The following CFAP47 variants were observed in gnomAD, a reference collection of about 807,000 sequenced individuals.
The protein encoded by CFAP47 is cilia- and flagella-associated protein 47.
A neutral mutation model predicts 148.1 loss-of-function variants in CFAP47; 29 were observed. The ratio of observed to expected loss-of-function variants is 0.20; its 90% CI spans 0.15 to 0.27. CFAP47 has a LOEUF of 0.27. Among genes scored for constraint, CFAP47 ranks in the 10% least tolerant of loss-of-function variants. CFAP47 has a pLI of 1.00. For missense variants in CFAP47, 1,872 were observed against 1,697.5 expected, an observed-to-expected ratio of 1.10 and a Z score of -1.81; for synonymous variants, 664 against 577.3, an observed-to-expected ratio of 1.15 and a Z score of -2.15.
At chrX:36,281,181 G>T (rs1380509083) in intron 50 of CFAP47, among the ~76,000 whole-genome samples, 1 of 112,161 alleles carries the variant, frequency 8.9e-6, no homozygotes, top group Non-Finnish European at 1.9e-5. Context: ...TTTTATGGGT[G>T]AGTAGCAGGG....
Position 36,292,182 on chromosome X carries a change from A to G in CFAP47, c.7686+6456A>G, listed in dbSNP as rs191974345. On this transcript the variant is annotated intron_variant, in intron 51 of 63. Coordinates refer to ENST00000378653, the MANE Select transcript of CFAP47 (RefSeq NM_001304548.2). ...CAGCATTCTATACATTTCAAGTCAT[A>G]TGGTGGAGGATTGGGGATTGGGGTG... Among the ~76,000 whole-genome samples the G allele has an allele frequency of 2.4e-3, 271 of 111,105 alleles. 2 individuals are homozygous for G. The highest frequency in any genetic ancestry group is 5.4e-3 in the South Asian group (14 of 2,605).
chrX:36,234,310 A>G (rs1299428796), intron 46 of CFAP47, among the ~76,000 whole-genome samples: 14 of 110,339 alleles, frequency 1.3e-4, no homozygotes, highest in Non-Finnish European at 2.3e-4. Flanking sequence ...GGCTTTGTTC[A>G]TTTCTTTTTA....
intron 2 of CFAP47, among the ~76,000 whole-genome samples, chrX:35,938,856 G>T (rs923526688): frequency 9.0e-6 from 1 of 111,647 alleles, no homozygotes; most frequent in African/African-American, 3.3e-5. Flanking sequence ...AAGAAAACTG[G>T]ATAAACACAT....
chrX:36,374,533 A>T (rs888344671), intron 62 of CFAP47, among the ~76,000 whole-genome samples: 10 of 109,498 alleles, frequency 9.1e-5, no homozygotes, highest in Admixed American at 2.9e-4. Flanking sequence ...TATTTTATTT[A>T]TTTCTGCTCT....
intron 37 of CFAP47, among the ~76,000 whole-genome samples, chrX:36,157,107 C>T (rs755926298): frequency 2.7e-4 from 30 of 110,976 alleles, no homozygotes; most frequent in African/African-American, 7.8e-4. Context: ...TGTTCCACCC[C>T]GATTTAATGT....
intron 21 of CFAP47, among the ~76,000 whole-genome samples, chrX:36,010,624 A>AT (rs1227972207): frequency 9.1e-6 from 1 of 109,751 alleles, no homozygotes; most frequent in Non-Finnish European, 1.9e-5. Context: ...TGCCTGGCTA[A>AT]TTTTTTTGTA....
chrX:36,118,148 G>A (rs1219051269), intron 33 of CFAP47, among the ~76,000 whole-genome samples: 1 of 111,998 alleles, frequency 8.9e-6, no homozygotes, highest in Non-Finnish European at 1.9e-5. Flanking sequence ...CTATAGCTCT[G>A]TAGTATAATT....
Position 35,941,335 on chromosome X carries a change from C to T in CFAP47, c.454C>T (p.Leu152=), listed in dbSNP as rs1324225873. 1.7e-6 allele frequency: 2 copies of T among 1,178,888 alleles called. No individual in the cohort carries two copies. The highest frequency in any genetic ancestry group is 1.9e-5 in the South Asian group (1 of 52,188). The change falls in exon 3 of 64, where the codon CTG becomes TTG. Residue 152 remains leucine (L), a synonymous_variant. Transcript: ENST00000378653. The part of the protein sequence containing the change: ...EIESVVNFGT[L]VANSKVYSKE... ...TGAATCAGTAGTTAATTTTGGCACA[C>T]TGGTTGCCAATAGTAAAGTATATTC...
At chrX:35,968,815 G>C (rs1464790207) in intron 10 of CFAP47, among the ~76,000 whole-genome samples, 1 of 110,486 alleles carries the variant, frequency 9.1e-6, no homozygotes, top group Non-Finnish European at 1.9e-5. Context: ...AAACCACTCA[G>C]ACTCCATTTT....
At chrX:36,273,125 A>C (rs1053760115) in intron 49 of CFAP47, among the ~76,000 whole-genome samples, 14 of 111,673 alleles carry the variant, frequency 1.3e-4, no homozygotes, top group Admixed American at 1.9e-4. Context: ...CCTAGCACAC[A>C]GTAAGCATTC....
intron 29 of CFAP47, among the ~76,000 whole-genome samples, chrX:36,076,589 G>GT (rs1234428801): frequency 9.0e-6 from 1 of 110,521 alleles, no homozygotes; most frequent in Non-Finnish European, 1.9e-5. Flanking sequence ...GGGGTTATTT[G>GT]TTTTTTGCTT....
At chrX:36,341,037 C>CTTTTTT (rs11450233) in intron 57 of CFAP47, among the ~76,000 whole-genome samples, 5 of 89,623 alleles carry the variant, frequency 5.6e-5, no homozygotes, top group Admixed American at 1.2e-4. Flanking sequence ...CTTTTCTTTT[C>CTTTTTT]TTTTTTTTTT....
At chrX:36,176,113 A>T (rs190229413) in intron 39 of CFAP47, among the ~76,000 whole-genome samples, 1 of 112,409 alleles carries the variant, frequency 8.9e-6, no homozygotes, top group African/African-American at 3.2e-5. Flanking sequence ...GAACTCCCTG[A>T]CCCCTTGTGC....
At chrX:36,142,017 A>G (rs1939150504) in intron 35 of CFAP47, among the ~76,000 whole-genome samples, 1 of 105,612 alleles carries the variant, frequency 9.5e-6, no homozygotes, top group Admixed American at 9.8e-5. Context: ...CCAGTGGTTG[A>G]TTAAAAATAA....
At chrX:36,249,476 A>T (rs1370682077) in intron 48 of CFAP47, among the ~76,000 whole-genome samples, 1 of 111,205 alleles carries the variant, frequency 9.0e-6, no homozygotes, top group Non-Finnish European at 1.9e-5. Flanking sequence ...CTCAAGAAGG[A>T]ATAGAAATAT....
intron 55 of CFAP47, among the ~76,000 whole-genome samples, chrX:36,307,118 C>G (rs1197942974): frequency 4.5e-5 from 5 of 110,870 alleles, no homozygotes; most frequent in African/African-American, 1.6e-4. Flanking sequence ...ATTTAAAACA[C>G]AGATATTTCA....
At position 35,953,745 on chromosome X, in the gene CFAP47, C is replaced by G. The variant is rs756631299; in HGVS notation, c.1174+26C>G. On this transcript the variant is annotated intron_variant, in intron 7 of 63. Transcript: ENST00000378653. ...GTAAGTGTGAAATTAACAAAATTAT[C>G]AAATCCGTAGCCATTTAAATTGTTT... is the stretch of plus-strand genomic sequence containing the variant. The G allele has an allele frequency of 9.7e-6, 11 of 1,128,345 alleles. No individual in the cohort carries two copies. In the South Asian group the frequency reaches 2.2e-4, roughly 23 times the overall value. The allele number at this position is 1,128,345 out of a possible 1,213,427, so 93.0% of individuals were successfully genotyped here.
chrX:36,072,955 C>T, intron 28 of CFAP47, among the ~76,000 whole-genome samples, 184 bp from the exon 29 acceptor site: 1 of 111,635 alleles, frequency 9.0e-6, no homozygotes, highest in Non-Finnish European at 1.9e-5. Flanking sequence ...CTCTTAGGTA[C>T]TTAAAAGTAA....
At chrX:36,030,201 G>C (rs1204073701) in intron 22 of CFAP47, among the ~76,000 whole-genome samples, 1 of 110,928 alleles carries the variant, frequency 9.0e-6, no homozygotes, top group Non-Finnish European at 1.9e-5. Flanking sequence ...TGGGAAATTA[G>C]TCTGTGATCT....
Sources: allele counts gnomAD v4.1 joint callset (sites outside exome capture counted in the v4.1 genomes callset), GRCh38; gene constraint gnomAD v4.1.1; transcripts MANE v1.5; gene names NCBI Gene and HGNC (gene_info 2026-07-23, HGNC 2026-07-21).